CALD1: variants seen among roughly 807,000 people sequenced by gnomAD.
The protein encoded by CALD1 is caldesmon.
In CALD1, 33 loss-of-function variants were observed where a neutral mutation model predicts 99.9. That is an observed-to-expected ratio of 0.33 (90% confidence interval 0.25 to 0.44). The LOEUF is 0.44. Ranked by LOEUF, CALD1 falls within the 20% of genes least tolerant of loss-of-function variation. The pLI is 1.00. For synonymous variants in CALD1, 310 were observed against 325.0 expected, an observed-to-expected ratio of 0.95 and a Z score of 0.50; for missense variants, 861 against 962.1, an observed-to-expected ratio of 0.89 and a Z score of 1.39.
At chr7:134,711,728 C>G in the CALD1 span, among the ~76,000 whole-genome samples, 3,664 of 100,402 alleles carry the variant, frequency 0.036, 152 homozygotes, top group African/African-American at 0.13. Context: ...GTGTGTGTGT[C>G]TCTCTCTCTG....
chr7:134,909,379 T>C (rs1223058820), intron 3 of CALD1, among the ~76,000 whole-genome samples: 1 of 152,228 alleles, frequency 6.6e-6, no homozygotes, highest in Non-Finnish European at 1.5e-5. Flanking sequence ...AAGAAGGCCA[T>C]TTAGAAATTC....
chr7:134,910,824 C>T (rs1803748055), intron 3 of CALD1, among the ~76,000 whole-genome samples: 1 of 152,142 alleles, frequency 6.6e-6, no homozygotes, highest in African/African-American at 2.4e-5. Flanking sequence ...ATCCATTTTC[C>T]AGCTCTGAAC....
intron 3 of CALD1, among the ~76,000 whole-genome samples, chr7:134,910,533 T>A (rs975622588): frequency 7.3e-5 from 11 of 151,072 alleles, no homozygotes; most frequent in African/African-American, 2.7e-4. Context: ...GCAGGAGGAG[T>A]TATGGAGGTA....
intron 1 of CALD1, among the ~76,000 whole-genome samples, chr7:134,765,992 T>C (rs985405913): frequency 1.3e-5 from 2 of 152,052 alleles, no homozygotes; most frequent in African/African-American, 2.4e-5. Context: ...AGCTAGCTCC[T>C]GTTTTCACCA....
chr7:134,794,393 G>C (rs1275818841), intron 1 of CALD1, among the ~76,000 whole-genome samples: 1 of 152,220 alleles, frequency 6.6e-6, no homozygotes, highest in East Asian at 1.9e-4. Context: ...TGAGCTAACT[G>C]TGCATTGCCT....
chr7:134,781,871 A>G (rs1797118485), intron 1 of CALD1, among the ~76,000 whole-genome samples: 2 of 152,278 alleles, frequency 1.3e-5, no homozygotes, highest in African/African-American at 4.8e-5. Context: ...AAAGGATTTT[A>G]AATGAGATAC....
At chr7:134,923,127 A>G (rs1360419329) in intron 3 of CALD1, among the ~76,000 whole-genome samples, 2 of 152,232 alleles carry the variant, frequency 1.3e-5, no homozygotes, top group Non-Finnish European at 2.9e-5. Context: ...AAAATATCCA[A>G]TGAGCCATGT....
At chr7:134,889,393 T>A (rs1040186699) in intron 3 of CALD1, among the ~76,000 whole-genome samples, 2 of 152,042 alleles carry the variant, frequency 1.3e-5, no homozygotes, top group African/African-American at 4.8e-5. Context: ...TGGAAAGGGG[T>A]CTCTGATTTT....
At chr7:134,745,387 T>A (rs1796627147) in intron 1 of CALD1, 1 of 152,188 alleles carries the variant, frequency 6.6e-6, no homozygotes, top group African/African-American at 2.4e-5. Context: ...AGGAAAAATA[T>A]CTGGGTGGGA....
At chr7:134,760,486 T>G (rs1796767886) in intron 1 of CALD1, among the ~76,000 whole-genome samples, 1 of 152,244 alleles carries the variant, frequency 6.6e-6, no homozygotes, top group Non-Finnish European at 1.5e-5. Flanking sequence ...CCAAAATATT[T>G]TATATCATAA....
At chr7:134,767,195 CTGTGTGTG>C (rs34026828) in intron 1 of CALD1, among the ~76,000 whole-genome samples, 42 of 148,880 alleles carry the variant, frequency 2.8e-4, no homozygotes, top group African/African-American at 4.2e-4. Flanking sequence ...CTCTCTGTCT[CTGTGTGTG>C]TGTGTGTGTG....
At chr7:134,868,223 G>T (rs1273605468) in intron 3 of CALD1, 1 of 156,930 alleles carries the variant, frequency 6.4e-6, no homozygotes, top group Admixed American at 6.2e-5. Context: ...AAAAGCCCTG[G>T]ATGAATCTTG....
At chr7:134,825,100 T>C (rs1241636178) in intron 1 of CALD1, among the ~76,000 whole-genome samples, 1 of 152,184 alleles carries the variant, frequency 6.6e-6, no homozygotes, top group Non-Finnish European at 1.5e-5. Flanking sequence ...GTTTAATACT[T>C]ATAATGGAAA....
intron 2 of CALD1, among the ~76,000 whole-genome samples, chr7:134,857,939 A>G (rs1800387110): frequency 1.3e-5 from 2 of 152,202 alleles, no homozygotes; most frequent in South Asian, 2.1e-4. Context: ...TTTCAGCACT[A>G]TAAATGGATT....
At chr7:134,736,353 T>C in the CALD1 span, among the ~76,000 whole-genome samples, 4 of 152,152 alleles carry the variant, frequency 2.6e-5, 1 homozygote, top group Non-Finnish European at 4.4e-5. Context: ...TGTAAGAGTA[T>C]AGAGCTACAG....
the CALD1 span, among the ~76,000 whole-genome samples, chr7:134,716,564 T>C: frequency 8.5e-5 from 13 of 152,206 alleles, no homozygotes; most frequent in East Asian, 3.9e-4. Flanking sequence ...ATCAAATAAA[T>C]TGGCAAAAAT....
intron 3 of CALD1, among the ~76,000 whole-genome samples, chr7:134,926,215 ATATC>A (rs1277308644): frequency 6.6e-6 from 1 of 152,226 alleles, no homozygotes; most frequent in African/African-American, 2.4e-5. Flanking sequence ...TTGCCACAAC[ATATC>A]TATCTATTAT....
chr7:134,955,277 C>A (rs1041938931), intron 9 of CALD1, among the ~76,000 whole-genome samples: 1 of 152,184 alleles, frequency 6.6e-6, no homozygotes, highest in Non-Finnish European at 1.5e-5. Flanking sequence ...GTAGTCCCAG[C>A]TACTCGACGC....
At chr7:134,962,929 G>A (rs571158723) in intron 13 of CALD1, 1 of 456,376 alleles carries the variant, frequency 2.2e-6, no homozygotes, top group African/African-American at 2.0e-5. Flanking sequence ...AATGTAGTCT[G>A]GTCAGGTAAT....
Sources: gnomAD v4.1 joint callset for allele counts (sites outside exome capture counted in the v4.1 genomes callset) on GRCh38, gnomAD v4.1.1 for gene constraint, MANE v1.5 for transcripts, NCBI Gene and HGNC (gene_info 2026-07-23, HGNC 2026-07-21) for gene names.